The following PRKCE variants were observed in gnomAD, a reference collection of about 807,000 sequenced individuals.
PRKCE encodes protein kinase C epsilon.
In PRKCE, 16 loss-of-function variants were observed where a neutral mutation model predicts 85.4. The observed-to-expected ratio is 0.19, with a 90% CI of 0.13 to 0.28. PRKCE has a LOEUF of 0.28. Ranked by LOEUF, PRKCE falls within the 10% of genes least tolerant of loss-of-function variation. PRKCE has a pLI of 1.00. For synonymous variants in PRKCE, 388 were observed against 371.5 expected, an observed-to-expected ratio of 1.04 and a Z score of -0.51; for missense variants, 573 against 975.2, an observed-to-expected ratio of 0.59 and a Z score of 5.49.
At chr2:46,114,670 C>T (rs183725354) in intron 11 of PRKCE, among the ~76,000 whole-genome samples, 163 of 151,446 alleles carry the variant, frequency 1.1e-3, no homozygotes, top group Non-Finnish European at 2.2e-3. Flanking sequence ...CCGCCCGCCT[C>T]AGCCTCCTAA....
intron 10 of PRKCE, among the ~76,000 whole-genome samples, chr2:46,036,850 T>C (rs1326753120): frequency 6.6e-6 from 1 of 152,080 alleles, no homozygotes; most frequent in Non-Finnish European, 1.5e-5. Context: ...TGGAAGATAA[T>C]GCAGAAGAGA....
chr2:45,975,492 A>T (rs968917824), intron 2 of PRKCE, among the ~76,000 whole-genome samples: 16 of 152,090 alleles, frequency 1.1e-4, no homozygotes, highest in Non-Finnish European at 1.9e-4. Flanking sequence ...TCCTCCTCTT[A>T]TAAGGACACT....
chr2:46,007,615 A>T lies in PRKCE; in HGVS notation c.1217A>T (p.Asp406Val), dbSNP rs777265139. 6.3e-7 allele frequency: 1 copy of T among 1,599,804 alleles called. No homozygotes were observed. Residue 406 changes from aspartate to valine, a missense_variant, in exon 9 of 15, where the codon GAT (aspartate) becomes GTT (valine). By Grantham distance (152) the Asp-to-Val change is radical (BLOSUM62 -3). This residue lies in a region of PRKCE where 117 missense variants were observed against 104.8 expected (regional missense o/e 1.12). Coordinates refer to ENST00000306156, the MANE Select transcript of PRKCE (RefSeq NM_005400.3). ...GGCCAGGCCAAGCGCCTGGGCCTGG[A>T]TGAGTTCAACTTCATCAAGGTGTTG... ...RQGQAKRLGL[D>V]EFNFIKVLGK... is the part of the protein sequence containing the mutation.
intron 1 of PRKCE, among the ~76,000 whole-genome samples, chr2:45,694,232 C>T (rs1170332946): frequency 6.6e-6 from 1 of 151,150 alleles, no homozygotes; most frequent in Admixed American, 6.6e-5. Flanking sequence ...TAAAATGTCT[C>T]ATCTAGGAAA....
At chr2:45,850,182 A>G (rs1692136388) in intron 2 of PRKCE, among the ~76,000 whole-genome samples, 1 of 152,206 alleles carries the variant, frequency 6.6e-6, no homozygotes, top group Admixed American at 6.5e-5. Flanking sequence ...TTTGATCACA[A>G]CTAGAGCCTC....
At chr2:45,885,335 C>CT (rs925861325) in intron 2 of PRKCE, among the ~76,000 whole-genome samples, 16 of 151,890 alleles carry the variant, frequency 1.1e-4, no homozygotes, top group Middle Eastern at 6.8e-3. Context: ...ACAAAGCTTC[C>CT]TTTTTTTTAT....
At chr2:45,771,082 G>A (rs1423123502) in intron 1 of PRKCE, among the ~76,000 whole-genome samples, 1 of 152,118 alleles carries the variant, frequency 6.6e-6, no homozygotes, top group East Asian at 1.9e-4. Context: ...ATGATGATGA[G>A]GGTCCCCCAG....
At chr2:45,903,907 GTTTGTTTGTTTT>G (rs1558815146) in intron 2 of PRKCE, among the ~76,000 whole-genome samples, 1 of 82,196 alleles carries the variant, frequency 1.2e-5, no homozygotes, top group African/African-American at 3.8e-5. Context: ...TTGTTTGTTT[GTTTGTTTGTTTT>G]TTTTGGCAGG....
At chr2:45,920,570 A>C (rs1035542659) in intron 2 of PRKCE, among the ~76,000 whole-genome samples, 4 of 152,260 alleles carry the variant, frequency 2.6e-5, no homozygotes, top group Admixed American at 6.5e-5. Context: ...ATAAAAAGGA[A>C]TGAAGCACTG....
At chr2:45,913,815 A>G (rs1697555383) in intron 2 of PRKCE, among the ~76,000 whole-genome samples, 1 of 152,200 alleles carries the variant, frequency 6.6e-6, no homozygotes, top group South Asian at 2.1e-4. Flanking sequence ...CCAGTGTATA[A>G]ACAGACACAT....
chr2:45,681,247 C>T (rs1489802372), intron 1 of PRKCE, among the ~76,000 whole-genome samples: 1 of 138,708 alleles, frequency 7.2e-6, no homozygotes, highest in Non-Finnish European at 1.5e-5. Flanking sequence ...CGAGATCACC[C>T]CACTGCACTC....
At chr2:46,149,672 C>A (rs1193700484) in intron 12 of PRKCE, among the ~76,000 whole-genome samples, 1 of 149,688 alleles carries the variant, frequency 6.7e-6, no homozygotes, top group African/African-American at 2.4e-5. Context: ...AAATTCTAGT[C>A]TTTTCTATTG....
intron 1 of PRKCE, among the ~76,000 whole-genome samples, chr2:45,717,546 G>T (rs952435467): frequency 1.3e-5 from 2 of 152,228 alleles, no homozygotes; most frequent in African/African-American, 2.4e-5. Flanking sequence ...ACGTTCCCTG[G>T]AGCAAAATAC....
chr2:45,943,777 T>C (rs1700046849), intron 2 of PRKCE, among the ~76,000 whole-genome samples: 2 of 152,064 alleles, frequency 1.3e-5, no homozygotes. Context: ...GTCAGGAGAG[T>C]TCCCAGTTTG....
chr2:45,807,526 C>A (rs1285753265), intron 1 of PRKCE, among the ~76,000 whole-genome samples: 1 of 152,242 alleles, frequency 6.6e-6, no homozygotes, highest in African/African-American at 2.4e-5. Context: ...TACAGAAAAG[C>A]CATTTGTAGA....
At position 46,184,203 on chromosome 2, in the gene PRKCE, T is replaced by C. The variant is rs1020836657; in HGVS notation, c.2068-532T>C. ...GTGCTGAGTTTAATAATTGAAAAAATACTGGAGCACAAAATTGGGTTCGTG... is the reference window on the plus strand; with the variant it reads ...GTGCTGAGTTTAATAATTGAAAAAACACTGGAGCACAAAATTGGGTTCGTG... On this transcript the variant is annotated intron_variant, in intron 14 of 14. Coordinates refer to ENST00000306156, the MANE Select transcript of PRKCE (RefSeq NM_005400.3). This position sits in a 1 kb window ranked among gnomAD's most constrained non-coding sequence, Gnocchi z 5.0. Among the ~76,000 whole-genome samples, 2 of 152,032 alleles carry C rather than the reference T, an allele frequency of 1.3e-5. No individual in the cohort carries two copies. The highest frequency in any genetic ancestry group is 2.9e-5 in the Non-Finnish European group (2 of 68,014).
chr2:45,818,109 T>C (rs1312250848), intron 1 of PRKCE, among the ~76,000 whole-genome samples: 1 of 152,212 alleles, frequency 6.6e-6, no homozygotes, highest in Non-Finnish European at 1.5e-5. Context: ...AAGGGGAATT[T>C]CATAATCATT....
At chr2:45,741,999 T>A (rs541825286) in intron 1 of PRKCE, among the ~76,000 whole-genome samples, 14 of 152,246 alleles carry the variant, frequency 9.2e-5, no homozygotes, top group Admixed American at 7.8e-4. Flanking sequence ...GTGGTTAGAG[T>A]GTGGGCTTTC....
At chr2:45,790,194 T>A (rs1362916906) in intron 1 of PRKCE, among the ~76,000 whole-genome samples, 1 of 152,192 alleles carries the variant, frequency 6.6e-6, no homozygotes, top group Non-Finnish European at 1.5e-5. Flanking sequence ...AATGAGAGCA[T>A]CCTTCAGCCT....
Sources: allele counts gnomAD v4.1 joint callset (sites outside exome capture counted in the v4.1 genomes callset), GRCh38; gene constraint gnomAD v4.1.1; regional missense constraint gnomAD v4.1.1; non-coding constraint Gnocchi (gnomAD v3.1); transcripts MANE v1.5; gene names NCBI Gene and HGNC (gene_info 2026-07-23, HGNC 2026-07-21).